MYRIP: variants seen among roughly 807,000 people sequenced by gnomAD.
MYRIP encodes the protein myosin VIIA and Rab interacting protein.
A neutral mutation model predicts 98.0 loss-of-function variants in MYRIP; 49 were observed. The ratio of observed to expected loss-of-function variants is 0.50; its 90% CI spans 0.40 to 0.63. The LOEUF (loss-of-function observed/expected upper bound fraction) is 0.63. MYRIP is among the 30% of genes least tolerant of loss of function. MYRIP has a pLI of 0.00. For missense variants in MYRIP, 1,004 were observed against 1,058.2 expected, an observed-to-expected ratio of 0.95 and a Z score of 0.71; for synonymous variants, 404 against 409.5, an observed-to-expected ratio of 0.99 and a Z score of 0.16.
At chr3:40,032,598 G>T (rs904839297) in intron 2 of MYRIP, among the ~76,000 whole-genome samples, 1 of 152,044 alleles carries the variant, frequency 6.6e-6, no homozygotes, top group Non-Finnish European at 1.5e-5. Flanking sequence ...CAACCAAAAA[G>T]AGTCCAGGAC....
chr3:40,105,776 G>T (rs1309230496), intron 3 of MYRIP, among the ~76,000 whole-genome samples: 2 of 152,150 alleles, frequency 1.3e-5, no homozygotes, highest in African/African-American at 4.8e-5. Context: ...AGAGAGAAGA[G>T]TGAGGCAGGA....
At chr3:39,923,920 TA>T (rs1418772664) in intron 2 of MYRIP, among the ~76,000 whole-genome samples, 1 of 152,018 alleles carries the variant, frequency 6.6e-6, no homozygotes, top group East Asian at 1.9e-4. Flanking sequence ...ATTATACCAG[TA>T]GAGCATGATG....
intron 4 of MYRIP, among the ~76,000 whole-genome samples, chr3:40,158,828 A>T (rs9880571): frequency 0.017 from 2,222 of 131,670 alleles, 49 homozygotes; most frequent in African/African-American, 0.058. Context: ...CCCCTGCCTT[A>T]TTTTGTTTTC....
chr3:40,217,680 C>T (rs377639437), intron 11 of MYRIP, among the ~76,000 whole-genome samples: 20 of 152,168 alleles, frequency 1.3e-4, no homozygotes, highest in Admixed American at 3.9e-4. Flanking sequence ...ATTGTGAACC[C>T]GCTCTCCATA....
At chr3:39,966,723 C>T (rs926635836) in intron 2 of MYRIP, among the ~76,000 whole-genome samples, 5 of 152,160 alleles carry the variant, frequency 3.3e-5, no homozygotes, top group African/African-American at 9.7e-5. Flanking sequence ...TGGCCTTTGC[C>T]GAAGCAATGT....
chr3:39,864,458 A>G (rs538769193), intron 1 of MYRIP, among the ~76,000 whole-genome samples: 1 of 152,170 alleles, frequency 6.6e-6, no homozygotes, highest in African/African-American at 2.4e-5. Context: ...AAGTTTCAGG[A>G]TACAAAAATA....
chr3:40,018,743 C>T (rs1004960842), intron 2 of MYRIP, among the ~76,000 whole-genome samples: 10 of 152,106 alleles, frequency 6.6e-5, no homozygotes, highest in African/African-American at 2.4e-4. Flanking sequence ...AATCCAGGGA[C>T]TCCAAAAAGA....
intron 2 of MYRIP, among the ~76,000 whole-genome samples, chr3:39,928,353 C>A (rs1944463754): frequency 6.7e-6 from 1 of 149,732 alleles, no homozygotes; most frequent in African/African-American, 2.5e-5. Flanking sequence ...GCCAAAGAAA[C>A]AAAGACAGTA....
intron 2 of MYRIP, among the ~76,000 whole-genome samples, chr3:39,914,023 A>G (rs1207721235): frequency 6.6e-6 from 1 of 152,114 alleles, no homozygotes; most frequent in Non-Finnish European, 1.5e-5. Flanking sequence ...TTCTGCCTCT[A>G]CATTCAGATG....
chr3:40,177,704 G>A (rs921767861), intron 8 of MYRIP, among the ~76,000 whole-genome samples: 2 of 152,152 alleles, frequency 1.3e-5, no homozygotes, highest in African/African-American at 4.8e-5. Context: ...ACCAGTGTGG[G>A]TGTTATAACT....
chr3:39,928,004 A>G (rs1944455992), intron 2 of MYRIP, among the ~76,000 whole-genome samples: 1 of 152,052 alleles, frequency 6.6e-6, no homozygotes, highest in East Asian at 1.9e-4. Flanking sequence ...AAACACCCTC[A>G]ACAAACTAGG....
chr3:39,990,052 C>T (rs1197947393), intron 2 of MYRIP, among the ~76,000 whole-genome samples: 1 of 152,252 alleles, frequency 6.6e-6, no homozygotes, highest in Non-Finnish European at 1.5e-5. Flanking sequence ...AGCTCAGCAG[C>T]CTTAAGCAGA....
chr3:39,895,196 T>A (rs1282279758), intron 1 of MYRIP, among the ~76,000 whole-genome samples: 8 of 151,208 alleles, frequency 5.3e-5, no homozygotes, highest in African/African-American at 1.9e-4. Flanking sequence ...TTTTTTTTCT[T>A]TTTTTTTTGA....
At chr3:40,253,521 A>G (rs767130750) in intron 16 of MYRIP, among the ~76,000 whole-genome samples, 94 of 152,336 alleles carry the variant, frequency 6.2e-4, no homozygotes, top group Middle Eastern at 3.4e-3. Flanking sequence ...CTAGCCTACT[A>G]TTCCTGCATT....
Position 40,174,785 on chromosome 3 carries a change from A to G in MYRIP, c.873+4692A>G, listed in dbSNP as rs530164651. The G allele has an allele frequency of 2.0e-5, 3 of 152,370 alleles. No individual in the cohort carries two copies. The East Asian group carries it at 5.8e-4, about 29-fold the overall frequency. The allele number at this position is 152,370 out of a possible 1,614,324, so 9.4% of individuals were successfully genotyped here. ...CAAAAACACTGGGATTCATACCCTC[A>G]TAGATAACCATTTTTAGCTCCTGAC... On this transcript the variant is annotated intron_variant, in intron 8 of 16. Transcript: ENST00000302541.
At chr3:39,876,748 G>T (rs560218579) in intron 1 of MYRIP, among the ~76,000 whole-genome samples, 2 of 152,132 alleles carry the variant, frequency 1.3e-5, no homozygotes, top group Non-Finnish European at 2.9e-5. Context: ...AGGGTAACCC[G>T]ACTTTTCTCT....
chr3:40,190,629 T>G (rs1227626815), intron 10 of MYRIP, among the ~76,000 whole-genome samples, 166 bp downstream of exon 10: 1 of 152,136 alleles, frequency 6.6e-6, no homozygotes, highest in Admixed American at 6.5e-5. Context: ...TCACATCAAC[T>G]CTTTGGGACT....
At chr3:40,201,946 G>A (rs1951575749) in intron 10 of MYRIP, among the ~76,000 whole-genome samples, 1 of 152,162 alleles carries the variant, frequency 6.6e-6, no homozygotes, top group African/African-American at 2.4e-5. Flanking sequence ...CAGCAGCAGA[G>A]TCCAGCAGCC....
chr3:39,885,643 A>G (rs1219590643), intron 1 of MYRIP, among the ~76,000 whole-genome samples: 5 of 152,008 alleles, frequency 3.3e-5, no homozygotes, highest in Admixed American at 6.6e-5. Context: ...CCAATCAGAC[A>G]TAGATTTGGT....
Sources: gnomAD v4.1 joint callset for allele counts (sites outside exome capture counted in the v4.1 genomes callset) on GRCh38, gnomAD v4.1.1 for gene constraint, MANE v1.5 for transcripts, NCBI Gene and HGNC (gene_info 2026-07-23, HGNC 2026-07-21) for gene names.